The following CTNNA2 variants were observed in gnomAD, a reference collection of about 807,000 sequenced individuals.
CTNNA2 encodes the protein catenin alpha-2.
Under a neutral mutation model 101.0 loss-of-function variants are expected in CTNNA2, and 42 were observed. The ratio of observed to expected loss-of-function variants is 0.42; its 90% CI spans 0.32 to 0.54. The LOEUF is 0.54. CTNNA2 is among the 20% of genes least tolerant of loss of function. The probability of loss-of-function intolerance (pLI) is 0.14; values close to 1 mark genes in which losing one functional copy is unlikely to be tolerated. For synonymous variants in CTNNA2, 450 were observed against 456.4 expected, an observed-to-expected ratio of 0.99 and a Z score of 0.18; for missense variants, 871 against 1,223.1, an observed-to-expected ratio of 0.71 and a Z score of 4.29.
At chr2:80,220,918 GT>G (rs1708536042) in intron 7 of CTNNA2, among the ~76,000 whole-genome samples, 1 of 152,158 alleles carries the variant, frequency 6.6e-6, no homozygotes, top group East Asian at 1.9e-4. Flanking sequence ...GTCTCACTCT[GT>G]TGCCCAGGCT....
chr2:80,389,004 G>T (rs17019138), intron 7 of CTNNA2, among the ~76,000 whole-genome samples: 4,668 of 152,244 alleles, frequency 0.031, 304 homozygotes, highest in East Asian at 0.23. Context: ...TATTTAAAAT[G>T]AACTGCCCCA....
At chr2:80,569,633 G>GTTTTTTTTTTTTTTTTTGTTTTTTTTTTT (rs1694379512) in intron 12 of CTNNA2, among the ~76,000 whole-genome samples, 1 of 51,718 alleles carries the variant, frequency 1.9e-5, no homozygotes, top group Non-Finnish European at 3.9e-5. Flanking sequence ...GGGTATTTAG[G>GTTTTTTTTTTTTTTTTTGTTTTTTTTTTT]TTTTTTTTTT....
intron 9 of CTNNA2, among the ~76,000 whole-genome samples, chr2:80,426,644 T>G (rs1248287410): frequency 1.3e-5 from 2 of 152,136 alleles, no homozygotes; most frequent in African/African-American, 4.8e-5. Context: ...CTTCCTCTTC[T>G]TATCAGGTTA....
intron 9 of CTNNA2, among the ~76,000 whole-genome samples, chr2:80,480,382 A>G (rs937021945): frequency 6.6e-6 from 1 of 152,108 alleles, no homozygotes; most frequent in Admixed American, 6.6e-5. Flanking sequence ...AAAAGCCCCA[A>G]TTTTAAAAAT....
chr2:79,657,064 C>A (rs938076301), intron 2 of CTNNA2, among the ~76,000 whole-genome samples: 6 of 147,886 alleles, frequency 4.1e-5, no homozygotes, highest in Non-Finnish European at 7.5e-5. Context: ...TAAAAAAAAT[C>A]AAAAGAAACT....
upstream of CTNNA2, among the ~76,000 whole-genome samples, chr2:79,510,265 T>A (rs1179495664): frequency 6.6e-6 from 1 of 152,210 alleles, no homozygotes; most frequent in South Asian, 2.1e-4. Flanking sequence ...GGACTGTATA[T>A]GTTTATGTCA....
intron 9 of CTNNA2, among the ~76,000 whole-genome samples, chr2:80,427,375 TC>T (rs1681087737): frequency 6.6e-6 from 1 of 152,204 alleles, no homozygotes; most frequent in South Asian, 2.1e-4. Flanking sequence ...GCTACGAGGC[TC>T]CCTGAGTTGA....
chr2:79,332,314 A>T (rs935620698), intron 3 of CTNNA2, among the ~76,000 whole-genome samples: 1 of 147,052 alleles, frequency 6.8e-6, no homozygotes, highest in Non-Finnish European at 1.5e-5. Flanking sequence ...AAAAAAAAAA[A>T]AGACGATGGC....
intron 2 of CTNNA2, among the ~76,000 whole-genome samples, chr2:79,678,924 T>G (rs1341073833): frequency 6.6e-6 from 1 of 152,210 alleles, no homozygotes; most frequent in Non-Finnish European, 1.5e-5. Context: ...CTGCAACACT[T>G]TCTGCATCTA....
intron 4 of CTNNA2, chr2:79,500,544 G>A (rs1671307893): frequency 6.6e-6 from 1 of 152,084 alleles, no homozygotes; most frequent in South Asian, 2.1e-4. Flanking sequence ...AATCATATTG[G>A]CTACAGTGTG....
At chr2:80,483,017 C>T (rs776023965) in intron 9 of CTNNA2, among the ~76,000 whole-genome samples, 12 of 152,266 alleles carry the variant, frequency 7.9e-5, no homozygotes, top group Non-Finnish European at 1.3e-4. Context: ...CTTTCTTCCT[C>T]TTTCACTCCT....
intron 3 of CTNNA2, among the ~76,000 whole-genome samples, chr2:79,335,173 A>C (rs983136427): frequency 6.6e-6 from 1 of 152,076 alleles, no homozygotes; most frequent in Non-Finnish European, 1.5e-5. Context: ...ACTCCACTTC[A>C]TCTCATTTCC....
chr2:79,259,585 G>A (rs145455424), intron 2 of CTNNA2, among the ~76,000 whole-genome samples: 167 of 152,266 alleles, frequency 1.1e-3, no homozygotes, highest in African/African-American at 3.9e-3. Context: ...GAACGCCCAG[G>A]ATCCTGCAGG....
chr2:80,647,475 CTATT>C (rs1674232989), intron 18 of CTNNA2, 106 bp from the exon 19 acceptor site: 1 of 969,014 alleles, frequency 1.0e-6, no homozygotes, highest in South Asian at 1.9e-5. Context: ...TTCAGCAATA[CTATT>C]TATTTGCACA....
At chr2:79,811,561 A>G (rs1476348237) in intron 3 of CTNNA2, among the ~76,000 whole-genome samples, 1 of 152,142 alleles carries the variant, frequency 6.6e-6, no homozygotes, top group Non-Finnish European at 1.5e-5. Context: ...TATTTTTAGA[A>G]TGTGTTCTGT....
At chr2:79,229,620 G>A (rs1165839334) in intron 2 of CTNNA2, among the ~76,000 whole-genome samples, 1 of 152,140 alleles carries the variant, frequency 6.6e-6, no homozygotes, top group Non-Finnish European at 1.5e-5. Flanking sequence ...CAGTAGAGTG[G>A]GGCATTGCTG....
chr2:79,999,997 GAGA>G (rs1692830367), intron 7 of CTNNA2, among the ~76,000 whole-genome samples: 1 of 152,278 alleles, frequency 6.6e-6, no homozygotes, highest in Middle Eastern at 3.4e-3. Context: ...CAGTAATTCA[GAGA>G]AGAACTAGTG....
chr2:79,992,884 T>C (rs1692280317), intron 7 of CTNNA2, among the ~76,000 whole-genome samples: 2 of 152,196 alleles, frequency 1.3e-5, no homozygotes, highest in African/African-American at 4.8e-5. Context: ...AGTAGGACTA[T>C]AACCAAACAC....
chr2:79,762,360 CT>C (rs895102518), intron 3 of CTNNA2, among the ~76,000 whole-genome samples: 34 of 152,232 alleles, frequency 2.2e-4, no homozygotes, highest in Non-Finnish European at 2.6e-4. Context: ...AGAAATCCCC[CT>C]GGAGGAGTGC....
Sources: allele counts gnomAD v4.1 joint callset (sites outside exome capture counted in the v4.1 genomes callset), GRCh38; gene constraint gnomAD v4.1.1; transcripts MANE v1.5; gene names NCBI Gene and HGNC (gene_info 2026-07-23, HGNC 2026-07-21).